RSU1: variants seen among roughly 807,000 people sequenced by gnomAD.
RSU1 encodes the protein Ras suppressor protein 1.
RSU1 carries 26 observed loss-of-function variants against 31.1 expected under a neutral mutation model. The ratio of observed to expected loss-of-function variants is 0.84; its 90% CI spans 0.61 to 1.16. The LOEUF (loss-of-function observed/expected upper bound fraction) is 1.16. Among genes scored for constraint, RSU1 ranks in the 50% most tolerant of loss-of-function variants. RSU1 has a pLI of 0.00. For synonymous variants in RSU1, 164 were observed against 136.3 expected (o/e 1.20, Z -1.41); for missense variants, 320 against 339.1 (o/e 0.94, Z 0.44).
Position 16,593,608 on chromosome 10 carries a change from A to G in RSU1, c.732-112T>C, listed in dbSNP as rs901854252. 1.9e-5 allele frequency: 16 copies of G among 827,520 alleles called. No homozygotes were observed. In the Admixed American group the frequency reaches 3.2e-4, roughly 16 times the overall value. The allele number at this position is 827,520 out of a possible 1,614,324, so 51.3% of individuals were successfully genotyped here. On this transcript the variant is annotated intron_variant, in intron 8 of 8. Coordinates refer to ENST00000345264, the MANE Select transcript of RSU1 (RefSeq NM_012425.4). ...TCTCCAAAAATATTCAGTAAGCCAAAGAAAACCAAAAGATCACTTCTGTGT... is the reference window on the plus strand; with the variant it reads ...TCTCCAAAAATATTCAGTAAGCCAAGGAAAACCAAAAGATCACTTCTGTGT...
At chr10:16,705,200 T>G (rs1007403155) in intron 7 of RSU1, among the ~76,000 whole-genome samples, 1 of 152,210 alleles carries the variant, frequency 6.6e-6, no homozygotes, top group Non-Finnish European at 1.5e-5. Context: ...TATGTCAAAA[T>G]TAACTTGCTT....
intron 7 of RSU1, among the ~76,000 whole-genome samples, chr10:16,725,960 TAC>T (rs946397835): frequency 1.3e-5 from 2 of 151,090 alleles, no homozygotes; most frequent in Non-Finnish European, 2.9e-5. Flanking sequence ...TTTTGAAAAT[TAC>T]AGTTTAAAAT....
At chr10:16,658,970 T>C (rs1344188913) in intron 8 of RSU1, among the ~76,000 whole-genome samples, 1 of 152,236 alleles carries the variant, frequency 6.6e-6, no homozygotes, top group East Asian at 1.9e-4. Context: ...TGCTGTCACA[T>C]GGTTTTAATT....
chr10:16,740,091 A>G (rs1472336903), intron 7 of RSU1, among the ~76,000 whole-genome samples: 2 of 152,114 alleles, frequency 1.3e-5, no homozygotes, highest in Non-Finnish European at 2.9e-5. Flanking sequence ...AAACTATCAA[A>G]TTTTACTCAT....
At chr10:16,623,104 T>C (rs1307579760) in intron 8 of RSU1, among the ~76,000 whole-genome samples, 1 of 152,182 alleles carries the variant, frequency 6.6e-6, no homozygotes, top group African/African-American at 2.4e-5. Context: ...AAATGTGTGA[T>C]GCTGAGTTTG....
chr10:16,695,047 T>C lies in RSU1; in HGVS notation c.707A>G (p.Tyr236Cys), dbSNP rs1835644721. 1.9e-6 allele frequency: 3 copies of C among 1,612,090 alleles called. No individual in the cohort carries two copies. Among genetic ancestry groups the C allele is most frequent in the Admixed American group, 3.3e-5 (2 of 59,884 alleles). ...FQLGVSHVFEYIRSETYKYLY... is the reference protein window; with the variant it reads ...FQLGVSHVFECIRSETYKYLY... ...CTATTTGTATGTCTCAGAACGGATATACTCAAAAACATGGGACACGCCAAG... is the reference window on the plus strand; with the variant it reads ...CTATTTGTATGTCTCAGAACGGATACACTCAAAAACATGGGACACGCCAAG... The change falls in exon 8 of 9, where the codon TAT becomes TGT. Residue 236 changes from tyrosine to cysteine, a missense_variant. By Grantham distance (194) the Tyr-to-Cys change is radical (BLOSUM62 -2). Coordinates refer to ENST00000345264, the MANE Select transcript of RSU1 (RefSeq NM_012425.4).
At chr10:16,787,652 T>C (rs911672694) in intron 2 of RSU1, among the ~76,000 whole-genome samples, 1 of 152,194 alleles carries the variant, frequency 6.6e-6, no homozygotes, top group African/African-American at 2.4e-5. Context: ...TCTCACAGGA[T>C]GTGATGGTTA....
intron 8 of RSU1, among the ~76,000 whole-genome samples, chr10:16,637,143 G>A (rs1834356495): frequency 6.6e-6 from 1 of 152,224 alleles, no homozygotes; most frequent in Non-Finnish European, 1.5e-5. Flanking sequence ...TGCTCTCCAA[G>A]CCACCATAAG....
At chr10:16,697,261 C>T (rs1461361955) in intron 7 of RSU1, among the ~76,000 whole-genome samples, 2 of 152,168 alleles carry the variant, frequency 1.3e-5, no homozygotes, top group Non-Finnish European at 2.9e-5. Context: ...TGAGAAACAA[C>T]CTATGCTTAC....
chr10:16,797,339 A>C (rs138507174), intron 2 of RSU1, among the ~76,000 whole-genome samples: 2 of 152,246 alleles, frequency 1.3e-5, no homozygotes, highest in African/African-American at 2.4e-5. Flanking sequence ...GGGCAGAAGG[A>C]CTGAACCAAG....
intron 2 of RSU1, among the ~76,000 whole-genome samples, chr10:16,806,307 C>G (rs542067243): frequency 3.3e-5 from 5 of 152,156 alleles, no homozygotes; most frequent in Non-Finnish European, 7.3e-5. Flanking sequence ...GCTGAATTAG[C>G]CGTTATCTTC....
intron 7 of RSU1, among the ~76,000 whole-genome samples, chr10:16,735,581 C>T (rs1361738774): frequency 6.6e-6 from 1 of 152,160 alleles, no homozygotes; most frequent in African/African-American, 2.4e-5. Context: ...ATACCCAAGA[C>T]TACATAATTT....
At chr10:16,649,347 A>T (rs879874733) in intron 8 of RSU1, among the ~76,000 whole-genome samples, 1 of 152,216 alleles carries the variant, frequency 6.6e-6, no homozygotes. Context: ...TATTTATCCA[A>T]ATCAAGTAAC....
chr10:16,808,930 GACGGCC>G (rs1350624740), intron 2 of RSU1, among the ~76,000 whole-genome samples: 1 of 152,178 alleles, frequency 6.6e-6, no homozygotes, highest in Non-Finnish European at 1.5e-5. Context: ...ACAGCAAGAA[GACGGCC>G]ACCTGCAAGC....
intron 8 of RSU1, among the ~76,000 whole-genome samples, chr10:16,664,087 C>A (rs996960868): frequency 6.6e-6 from 1 of 152,152 alleles, no homozygotes; most frequent in Non-Finnish European, 1.5e-5. Context: ...TCCTTTATTG[C>A]AAATTTTATA....
At position 16,593,139 on chromosome 10, in the gene RSU1, C is replaced by T. The variant is rs1833539560; in HGVS notation, c.*255G>A. On this transcript the variant is annotated 3_prime_UTR_variant, in exon 9 of 9. Coordinates refer to ENST00000345264, the MANE Select transcript of RSU1 (RefSeq NM_012425.4). ...AAGCCAGAGCCCACTATGGAATTCG[C>T]AGTTGAATAAGAGCTTTGTTCCCTG... 1 of 454,204 alleles carries T rather than the reference C, an allele frequency of 2.2e-6. No individual in the cohort carries two copies. The highest frequency in any genetic ancestry group is 2.0e-5 in the African/African-American group (1 of 50,680). 28.1% of individuals were successfully genotyped at this position (454,204 alleles called of 1,614,324 possible).
intron 7 of RSU1, among the ~76,000 whole-genome samples, chr10:16,716,710 C>A (rs1222740546): frequency 1.3e-5 from 2 of 152,084 alleles, no homozygotes; most frequent in Non-Finnish European, 2.9e-5. Context: ...GGAGTCTGAC[C>A]ATGATCTAGA....
At chr10:16,801,781 T>C (rs1199967278) in intron 2 of RSU1, among the ~76,000 whole-genome samples, 3 of 152,110 alleles carry the variant, frequency 2.0e-5, no homozygotes, top group African/African-American at 7.2e-5. Flanking sequence ...TATTTCTAAA[T>C]AACATGTCAA....
chr10:16,804,224 GCAT>G (rs772485273), intron 2 of RSU1, among the ~76,000 whole-genome samples: 5 of 152,142 alleles, frequency 3.3e-5, no homozygotes, highest in African/African-American at 4.8e-5. Context: ...AAGATGCTCG[GCAT>G]CATATGTCAT....
Sources: gnomAD v4.1 joint callset for allele counts (sites outside exome capture counted in the v4.1 genomes callset) on GRCh38, gnomAD v4.1.1 for gene constraint, MANE v1.5 for transcripts, NCBI Gene and HGNC (gene_info 2026-07-23, HGNC 2026-07-21) for gene names.